Variants in HOXC5 observed in about 807,000 individuals in gnomAD.
HOXC5 encodes the protein homeobox C5.
In HOXC5, 19 loss-of-function variants were observed where a neutral mutation model predicts 20.1. The ratio of observed to expected loss-of-function variants is 0.94; its 90% CI spans 0.66 to 1.38. The LOEUF is 1.38. Ranked by LOEUF, HOXC5 falls within the 40% of genes most tolerant of loss-of-function variation. The pLI is 0.00. For missense variants in HOXC5, 330 were observed against 300.1 expected (o/e 1.10, Z -0.74); for synonymous variants, 124 against 117.0 (o/e 1.06, Z -0.39).
intron 1 of HOXC5, chr12:54,033,852 C>A: frequency 2.0e-6 from 1 of 499,048 alleles, no homozygotes; most frequent in African/African-American, 2.0e-5. Context: ...GGGTGAGGAG[C>A]GCGGGGCTCC....
At chr12:54,031,401 C>G (rs191971139), upstream of HOXC5, among the ~76,000 whole-genome samples, 230 of 152,346 alleles carry the variant, frequency 1.5e-3, no homozygotes, top group Non-Finnish European at 2.6e-3. Context: ...GAGAGAAAGC[C>G]TGGAAACTGA....
At chr12:54,027,571 TTCTCTC>T in the HOXC5 span, among the ~76,000 whole-genome samples, 1 of 152,216 alleles carries the variant, frequency 6.6e-6, no homozygotes, top group Non-Finnish European at 1.5e-5. Flanking sequence ...CTCTCTCTCT[TTCTCTC>T]TGTCTTTCCC....
At chr12:54,023,563 G>A in the HOXC5 span, among the ~76,000 whole-genome samples, 1 of 152,212 alleles carries the variant, frequency 6.6e-6, no homozygotes, top group Non-Finnish European at 1.5e-5. Context: ...CCTTGGAGGT[G>A]TTTGGGGGCA....
At chr12:54,028,996 G>GC, upstream of HOXC5, 1 of 1,434,266 alleles carries the variant, frequency 7.0e-7, no homozygotes, top group Non-Finnish European at 9.4e-7. Context: ...AGAAGAACGG[G>GC]CGGAGAGAGT....
Position 54,033,149 on chromosome 12 carries a change from C to A in HOXC5, c.27C>A (p.Phe9Leu). The A allele has an allele frequency of 1.2e-6, 2 of 1,613,324 alleles. No individual in the cohort carries two copies. Among genetic ancestry groups the A allele is most frequent in the Non-Finnish European group, 1.7e-6 (2 of 1,179,270 alleles). The stretch of plus-strand genomic sequence containing the variant: ...TGAGCTCCTACGTAGCCAATTCATT[C>A]TATAAGCAGAGCCCCAATATCCCTG... MSSYVANS[F>L]YKQSPNIPAY... Residue 9 changes from phenylalanine (F) to leucine (L), a missense_variant, in exon 1 of 2, where the codon TTC becomes TTA. Transcript: ENST00000312492.
chr12:54,019,185 A>G, the HOXC5 span, among the ~76,000 whole-genome samples: 3 of 50,090 alleles, frequency 6.0e-5, no homozygotes, highest in Non-Finnish European at 8.6e-5. Context: ...CCACCCCCCC[A>G]CCCCCAGTAG....
upstream of HOXC5, chr12:54,029,894 A>AG (rs1940916087): frequency 6.2e-7 from 1 of 1,608,760 alleles, no homozygotes; most frequent in African/African-American, 1.3e-5. Context: ...CGGAGGGGCC[A>AG]CCGCCGACAG....
chr12:54,028,269 T>TATA (rs1565740843), upstream of HOXC5: 12 of 72,314 alleles, frequency 1.7e-4, no homozygotes, highest in East Asian at 1.1e-3. Flanking sequence ...ATATATATAT[T>TATA]TTTTAAAAGA....
At chr12:54,029,374 C>T (rs923232511), upstream of HOXC5, among the ~76,000 whole-genome samples, 1 of 151,598 alleles carries the variant, frequency 6.6e-6, no homozygotes, top group African/African-American at 2.4e-5. Flanking sequence ...TGCTTTTAGA[C>T]TTGCAGCTTT....
At chr12:54,030,094 C>A, upstream of HOXC5, 1 of 910,844 alleles carries the variant, frequency 1.1e-6, no homozygotes, top group Non-Finnish European at 1.6e-6. Context: ...ATTAGGGAGT[C>A]AAACGTGGAC....
chr12:54,023,400 G>C, the HOXC5 span, among the ~76,000 whole-genome samples: 2 of 152,338 alleles, frequency 1.3e-5, no homozygotes, highest in African/African-American at 4.8e-5. Context: ...AGGTCAGGCA[G>C]AAATCTGGAA....
At chr12:54,022,167 C>T in the HOXC5 span, 1 of 152,090 alleles carries the variant, frequency 6.6e-6, no homozygotes, top group African/African-American at 2.4e-5. Context: ...CCCCCATCAA[C>T]CCAGTCCCCC....
the HOXC5 span, among the ~76,000 whole-genome samples, chr12:54,027,027 A>G: frequency 6.6e-6 from 1 of 151,444 alleles, no homozygotes; most frequent in Non-Finnish European, 1.5e-5. Flanking sequence ...TTCTTTGTCA[A>G]CTCAAGGCAT....
chr12:54,028,541 A>G, upstream of HOXC5: 2 of 1,613,810 alleles, frequency 1.2e-6, no homozygotes, highest in Non-Finnish European at 1.7e-6. Flanking sequence ...TACTTCACTA[A>G]CCCTTCCTTA....
At chr12:54,033,793 T>G (rs1447042516) in intron 1 of HOXC5, among the ~76,000 whole-genome samples, 4 of 152,090 alleles carry the variant, frequency 2.6e-5, no homozygotes, top group Non-Finnish European at 5.9e-5. Context: ...AAGGCAATAT[T>G]CAATTTTTGG....
At chr12:54,019,281 A>G in the HOXC5 span, among the ~76,000 whole-genome samples, 3 of 141,786 alleles carry the variant, frequency 2.1e-5, no homozygotes, top group South Asian at 2.2e-4. Flanking sequence ...GCTCTCCCCA[A>G]ATGGGCCCAG....
chr12:54,029,938 A>T (rs1340576681), upstream of HOXC5: 1 of 1,590,902 alleles, frequency 6.3e-7, no homozygotes, highest in Admixed American at 1.8e-5. Flanking sequence ...GGGAAGAGAC[A>T]GAAGAGGAGA....
At chr12:54,029,739 T>G (rs372813456), upstream of HOXC5, 1 of 1,614,142 alleles carries the variant, frequency 6.2e-7, no homozygotes, top group Non-Finnish European at 8.5e-7. Context: ...GAATTTCACT[T>G]CAATCGCTAC....
the HOXC5 span, among the ~76,000 whole-genome samples, chr12:54,023,789 T>G: frequency 6.6e-6 from 1 of 152,172 alleles, no homozygotes; most frequent in South Asian, 2.1e-4. Flanking sequence ...GCGGTGTGTG[T>G]AGCGGGGGCA....
Sources: allele counts gnomAD v4.1 joint callset (sites outside exome capture counted in the v4.1 genomes callset), GRCh38; gene constraint gnomAD v4.1.1; transcripts MANE v1.5; gene names NCBI Gene and HGNC (gene_info 2026-07-23, HGNC 2026-07-21).